DPYSL2: variants seen among roughly 807,000 people sequenced by gnomAD.
DPYSL2 encodes dihydropyrimidinase like 2, also known as dihydropyrimidinase-related protein 2.
Under a neutral mutation model 69.9 loss-of-function variants are expected in DPYSL2, and 13 were observed. The ratio of observed to expected loss-of-function variants is 0.19; its 90% CI spans 0.12 to 0.30. The LOEUF (loss-of-function observed/expected upper bound fraction) is 0.30. Among genes scored for constraint, DPYSL2 ranks in the 10% least tolerant of loss-of-function variants. The probability of loss-of-function intolerance (pLI) is 1.00; values close to 1 mark genes in which losing one functional copy is unlikely to be tolerated. For missense variants in DPYSL2, 587 were observed against 918.9 expected (o/e 0.64, Z 4.67); for synonymous variants, 326 against 359.1 (o/e 0.91, Z 1.04).
At position 26,583,845 on chromosome 8, in the gene DPYSL2, G is replaced by A. The variant is rs979527383; in HGVS notation, c.490G>A (p.Glu164Lys). Residue 164 changes from glutamate to lysine, a missense_variant, in exon 3 of 14, where the codon GAG (glutamate) becomes AAG (lysine). Coordinates refer to ENST00000521913, the MANE Select transcript of DPYSL2 (RefSeq NM_001197293.3). ...LIVPGGVKTI[E>K]AHSRMVIPGG... ...TGTGCCAGGAGGAGTGAAGACCATC[G>A]AGGCCCACTCCCGGATGGTGATCCC... 3.1e-6 allele frequency: 5 copies of A among 1,614,048 alleles called. No homozygotes were observed. The highest frequency in any genetic ancestry group is 1.1e-5 in the South Asian group (1 of 91,070).
chr8:26,577,045 C>T, intron 1 of DPYSL2: 1 of 381,366 alleles, frequency 2.6e-6, no homozygotes. Context: ...CTACTAAGTT[C>T]CTCGCGGCCG....
intron 3 of DPYSL2, among the ~76,000 whole-genome samples, chr8:26,603,712 G>A (rs1802045538): frequency 6.6e-6 from 1 of 152,080 alleles, no homozygotes; most frequent in Admixed American, 6.6e-5. Flanking sequence ...TATTATAGTT[G>A]TTTCTATGGA....
chr8:26,630,227 G>A (rs996265158), intron 7 of DPYSL2, among the ~76,000 whole-genome samples: 1 of 152,226 alleles, frequency 6.6e-6, no homozygotes, highest in African/African-American at 2.4e-5. Context: ...ACACCGCAAG[G>A]GTTCGTTTCT....
In DPYSL2 at chr8:26,627,202, GTC is replaced by G. The variant is rs1802639224; in HGVS notation, c.856-4_856-3del. 1.9e-6 allele frequency: 3 copies of G among 1,613,002 alleles called. No individual in the cohort carries two copies. The highest frequency in any genetic ancestry group is 2.2e-5 in the South Asian group (2 of 91,056). ...AGTCCCTGTCTCTGATCCCACCCTT[GTC>G]TCTCTCTCAGATTTATGAAGTACTG... is the stretch of plus-strand genomic sequence containing the variant. On this transcript the variant is annotated splice_polypyrimidine_tract_variant and intron_variant, in intron 5 of 13. Coordinates refer to ENST00000521913, the MANE Select transcript of DPYSL2 (RefSeq NM_001197293.3). This position sits in a 1 kb window ranked among gnomAD's most constrained non-coding sequence, Gnocchi z 6.9.
At chr8:26,542,723 G>C (rs1202922368) in intron 1 of DPYSL2, among the ~76,000 whole-genome samples, 1 of 152,188 alleles carries the variant, frequency 6.6e-6, no homozygotes, top group East Asian at 1.9e-4. Context: ...ACCACACCTG[G>C]CCTAACTTTT....
chr8:26,539,497 G>A (rs11782938), intron 1 of DPYSL2, among the ~76,000 whole-genome samples: 15,573 of 152,208 alleles, frequency 0.1, 880 homozygotes, highest in Non-Finnish European at 0.12. Context: ...ACACAGTAAC[G>A]TTGAATAAAT....
chr8:26,536,478 C>T (rs941452796), intron 1 of DPYSL2, among the ~76,000 whole-genome samples: 4 of 152,032 alleles, frequency 2.6e-5, no homozygotes, highest in Non-Finnish European at 5.9e-5. Flanking sequence ...CGAGACCAGC[C>T]TGGTTAACAT....
chr8:26,592,255 A>G (rs1801743204), intron 3 of DPYSL2, among the ~76,000 whole-genome samples: 1 of 152,080 alleles, frequency 6.6e-6, no homozygotes. Context: ...TTGAACTTCT[A>G]GGTTGAAACA....
intron 1 of DPYSL2, among the ~76,000 whole-genome samples, chr8:26,551,419 A>T (rs1800872594): frequency 6.6e-6 from 1 of 152,230 alleles, no homozygotes; most frequent in Non-Finnish European, 1.5e-5. Context: ...CTAACAACAG[A>T]GCATCAAAAT....
At chr8:26,638,235 G>T (rs1442359287) in intron 8 of DPYSL2, among the ~76,000 whole-genome samples, 4 of 152,246 alleles carry the variant, frequency 2.6e-5, no homozygotes, top group Non-Finnish European at 4.4e-5. Context: ...TTGGGAGGTA[G>T]TCGGGGCTAC....
chr8:26,519,657 A>G (rs1308402461), intron 1 of DPYSL2, among the ~76,000 whole-genome samples: 1 of 152,162 alleles, frequency 6.6e-6, no homozygotes, highest in Non-Finnish European at 1.5e-5. Context: ...TTTAGTAAGT[A>G]TGTAAACTAG....
Position 26,514,564 on chromosome 8 carries a change from C to G in DPYSL2, c.239C>G (p.Pro80Arg), listed in dbSNP as rs532456283. The change falls in exon 1 of 14, where the codon CCG (proline) becomes CGG (arginine). Residue 80 changes from proline to arginine, a missense_variant. Pro to Arg is a moderately radical substitution (Grantham distance 103). Coordinates refer to ENST00000521913, the MANE Select transcript of DPYSL2 (RefSeq NM_001197293.3). This position sits in a 1 kb window ranked among gnomAD's most constrained non-coding sequence, Gnocchi z 8.4. Reference protein sequence around the residue: ...DVAHLGPDPQPPYSRQGRRAG... With the variant: ...DVAHLGPDPQRPYSRQGRRAG... ...GCCCACTTGGGCCCGGACCCGCAGC[C>G]GCCGTACTCGCGGCAGGGCCGGCGC... The G allele has an allele frequency of 6.5e-7, 1 of 1,526,922 alleles. No homozygotes were observed. The allele number at this position is 1,526,922 out of a possible 1,614,324, so 94.6% of individuals were successfully genotyped here. A position where few individuals can be genotyped will look rare whatever the true frequency, so the allele number is the denominator to read the frequency against.
chr8:26,578,218 G>A (rs1585519936), intron 1 of DPYSL2: 1 of 1,613,098 alleles, frequency 6.2e-7, no homozygotes. Context: ...TTGCCTTAAA[G>A]CTGCCCTCTT....
chr8:26,607,214 G>T (rs1314054936), intron 3 of DPYSL2, among the ~76,000 whole-genome samples: 1 of 152,146 alleles, frequency 6.6e-6, no homozygotes, highest in Non-Finnish European at 1.5e-5. Context: ...GGGCCGGGTG[G>T]TGCCTCACGC....
intron 11 of DPYSL2, among the ~76,000 whole-genome samples, chr8:26,651,166 C>T (rs1372382577): frequency 6.6e-6 from 1 of 152,208 alleles, no homozygotes; most frequent in Non-Finnish European, 1.5e-5. Flanking sequence ...TGCATGACTG[C>T]TTTGAGACTC....
At chr8:26,599,011 C>G (rs1470173589) in intron 3 of DPYSL2, among the ~76,000 whole-genome samples, 1 of 152,198 alleles carries the variant, frequency 6.6e-6, no homozygotes, top group African/African-American at 2.4e-5. Flanking sequence ...GAAAAGCTCA[C>G]TTTTCAGAGA....
In DPYSL2 at chr8:26,516,921, A is replaced by T. The variant is rs1054377073; in HGVS notation, c.354+2242A>T. On this transcript the variant is annotated intron_variant, in intron 1 of 13. Transcript: ENST00000521913. This position sits in a 1 kb window ranked among gnomAD's most constrained non-coding sequence, Gnocchi z 4.8. Reference sequence around the variant, plus strand: ...AAAGGCTGTGGCTATACATGTGTTTATATTTATAACAATGTGACTTCCGAA... The same window carrying T: ...AAAGGCTGTGGCTATACATGTGTTTTTATTTATAACAATGTGACTTCCGAA... 2.6e-5 allele frequency among the ~76,000 whole-genome samples: 4 copies of T among 152,198 alleles called. No homozygotes were observed. Among genetic ancestry groups the T allele is most frequent in the African/African-American group, 7.2e-5 (3 of 41,452 alleles).
rs1046933018 is a variant in DPYSL2, at chr8:26,533,878, C to T, written c.354+19199C>T. 1.3e-5 allele frequency among the ~76,000 whole-genome samples: 2 copies of T among 152,178 alleles called. No individual in the cohort carries two copies. Among genetic ancestry groups the T allele is most frequent in the African/African-American group, 2.4e-5 (1 of 41,448 alleles). ...GGGGAACCCAGTGACAGCCTAGTGA[C>T]AAGAGGGTCTTAATTAATGCAACTG... On this transcript the variant is annotated intron_variant, in intron 1 of 13. Transcript: ENST00000521913. This position sits in a 1 kb window ranked among gnomAD's most constrained non-coding sequence, Gnocchi z 4.8.
In DPYSL2 at chr8:26,558,936, C is replaced by CTATT. The variant is rs569519090; in HGVS notation, c.355-23015_355-23012dup. 2.0e-4 allele frequency among the ~76,000 whole-genome samples: 31 copies of CTATT among 152,004 alleles called. No individual in the cohort carries two copies. The East Asian group carries it at 2.3e-3, about 11-fold the overall frequency. The stretch of plus-strand genomic sequence containing the variant: ...TCCATTGTTTTTACTATTTTTAAAA[C>CTATT]TATTTATTTATTTATTTATTTTTTG... On this transcript the variant is annotated intron_variant, in intron 1 of 13. Coordinates refer to ENST00000521913, the MANE Select transcript of DPYSL2 (RefSeq NM_001197293.3).
Sources: gnomAD v4.1 joint callset for allele counts (sites outside exome capture counted in the v4.1 genomes callset) on GRCh38, gnomAD v4.1.1 for gene constraint, Gnocchi (gnomAD v3.1) non-coding constraint, MANE v1.5 for transcripts, NCBI Gene and HGNC (gene_info 2026-07-23, HGNC 2026-07-21) for gene names.